TRPM7: variants seen among roughly 807,000 people sequenced by gnomAD.
TRPM7 encodes transient receptor potential cation channel subfamily M member 7.
In TRPM7, 134 loss-of-function variants were observed where a neutral mutation model predicts 229.7. The ratio of observed to expected loss-of-function variants is 0.58; its 90% CI spans 0.51 to 0.67. TRPM7 has a LOEUF of 0.67. Among genes scored for constraint, TRPM7 ranks in the 30% least tolerant of loss-of-function variants. The pLI is 0.00. For synonymous variants in TRPM7, 699 were observed against 715.2 expected (o/e 0.98, Z 0.36); for missense variants, 1,901 against 2,210.0 (o/e 0.86, Z 2.80).
chr15:50,596,112 C>T, intron 23 of TRPM7, 143 bp downstream of exon 23: 1 of 423,238 alleles, frequency 2.4e-6, no homozygotes, highest in South Asian at 1.0e-4. Flanking sequence ...AAAAGCATCT[C>T]CTATTTGTAA....
intron 10 of TRPM7, among the ~76,000 whole-genome samples, chr15:50,629,344 T>A (rs575531895): frequency 1.3e-5 from 2 of 149,298 alleles, no homozygotes; most frequent in Non-Finnish European, 3.0e-5. Flanking sequence ...GTGGTCTTGG[T>A]TCACTGCAAC....
At chr15:50,567,245 T>A (rs1278460369) in intron 38 of TRPM7, among the ~76,000 whole-genome samples, 1 of 152,146 alleles carries the variant, frequency 6.6e-6, no homozygotes, top group Non-Finnish European at 1.5e-5. Flanking sequence ...GTTACACATG[T>A]ATACATGTGC....
intron 12 of TRPM7, among the ~76,000 whole-genome samples, chr15:50,622,305 C>A (rs569154602): frequency 6.6e-6 from 1 of 152,080 alleles, no homozygotes; most frequent in Non-Finnish European, 1.5e-5. Flanking sequence ...AGTTTGAGAA[C>A]TACTGCTTTA....
At chr15:50,593,915 T>C (rs999267731) in intron 24 of TRPM7, among the ~76,000 whole-genome samples, 166 bp from the exon 25 acceptor site, 2 of 152,252 alleles carry the variant, frequency 1.3e-5, no homozygotes, top group African/African-American at 4.8e-5. Flanking sequence ...ATCTTTCTTT[T>C]TTGCTTCACC....
intron 3 of TRPM7, among the ~76,000 whole-genome samples, chr15:50,653,030 G>A (rs2061467799): frequency 6.6e-6 from 1 of 152,078 alleles, no homozygotes; most frequent in African/African-American, 2.4e-5. Flanking sequence ...ATGCACCTGT[G>A]GTCACAGTTA....
Position 50,657,954 on chromosome 15 carries a change from C to T in TRPM7, c.84-135G>A, listed in dbSNP as rs141163177. On this transcript the variant is annotated intron_variant, in intron 2 of 38. Transcript: ENST00000646667. ...ATTTTTCAGTAGATATTATAGTTCACGTATACCTTGATTTATAATTCAAAT... is the reference window on the plus strand; with the variant it reads ...ATTTTTCAGTAGATATTATAGTTCATGTATACCTTGATTTATAATTCAAAT... The T allele has an allele frequency of 1.5e-3, 843 of 565,616 alleles. 6 individuals are homozygous for T. The highest frequency in any genetic ancestry group is 0.014 in the African/African-American group (722 of 52,794). The allele number at this position is 565,616 out of a possible 1,614,324, so 35.0% of individuals were successfully genotyped here. A position where few individuals can be genotyped will look rare whatever the true frequency, so the allele number is the denominator to read the frequency against.
chr15:50,617,131 AAAAT>A (rs201318883), intron 13 of TRPM7, among the ~76,000 whole-genome samples: 45,319 of 136,984 alleles, frequency 0.33, 7,896 homozygotes, highest in Admixed American at 0.43. Context: ...CTCTACCAAA[AAAAT>A]AAATAAATAA....
At chr15:50,653,283 C>T (rs1167778828) in intron 3 of TRPM7, among the ~76,000 whole-genome samples, 1 of 152,178 alleles carries the variant, frequency 6.6e-6, no homozygotes, top group African/African-American at 2.4e-5. Flanking sequence ...AGACCCCGTT[C>T]TCCACAAAAA....
chr15:50,632,075 G>A (rs2060753399), intron 9 of TRPM7, among the ~76,000 whole-genome samples: 1 of 152,108 alleles, frequency 6.6e-6, no homozygotes, highest in African/African-American at 2.4e-5. Flanking sequence ...GGCCAAGGTG[G>A]GCGGATCACG....
intron 9 of TRPM7, among the ~76,000 whole-genome samples, chr15:50,631,814 C>A (rs913941979): frequency 1.3e-5 from 2 of 152,006 alleles, no homozygotes; most frequent in Non-Finnish European, 2.9e-5. Flanking sequence ...AATTTAGGGG[C>A]TGAGGCTATA....
At chr15:50,624,372 C>T in intron 11 of TRPM7, 72 bp from the exon 12 acceptor site, 3 of 1,288,928 alleles carry the variant, frequency 2.3e-6, no homozygotes, top group Non-Finnish European at 3.1e-6. Context: ...AATGTTAAGT[C>T]CTTAGGATTT....
chr15:50,645,339 A>G (rs2061231738), intron 4 of TRPM7, among the ~76,000 whole-genome samples: 1 of 151,316 alleles, frequency 6.6e-6, no homozygotes, highest in Non-Finnish European at 1.5e-5. Context: ...ACCACACCAG[A>G]CCAAGAATGC....
At chr15:50,676,555 T>C (rs948751702) in intron 1 of TRPM7, among the ~76,000 whole-genome samples, 3 of 151,846 alleles carry the variant, frequency 2.0e-5, no homozygotes, top group African/African-American at 7.3e-5. Flanking sequence ...CTCATCTCTA[T>C]CGTTTAAATT....
At chr15:50,638,674 T>TTGTATGTATGTATGTATGTA (rs11283855) in intron 6 of TRPM7, among the ~76,000 whole-genome samples, 23,368 of 150,556 alleles carry the variant, frequency 0.16, 2,291 homozygotes, top group East Asian at 0.32. Flanking sequence ...AATTCAGTAA[T>TTGTATGTATGTATGTATGTA]TGTATGTATG....
intron 11 of TRPM7, 34 bp downstream of exon 11, chr15:50,628,113 ATT>A: frequency 7.0e-7 from 1 of 1,422,246 alleles, no homozygotes; most frequent in Non-Finnish European, 9.8e-7. Context: ...ACTTAGTGTA[ATT>A]TAATTGTATT....
At chr15:50,614,070 G>T in intron 14 of TRPM7, 53 bp downstream of exon 14, 1 of 1,475,744 alleles carries the variant, frequency 6.8e-7, no homozygotes, top group Non-Finnish European at 9.2e-7. Context: ...CAATTAAAGT[G>T]CATGTGTTAA....
intron 33 of TRPM7, 82 bp from the exon 34 acceptor site, chr15:50,575,217 T>C (rs760379653): frequency 1.7e-4 from 212 of 1,245,354 alleles, no homozygotes; most frequent in Non-Finnish European, 2.2e-4. Context: ...AGCAGGCATC[T>C]TTGATTAAGG....
chr15:50,588,076 A>G (rs903216788), intron 27 of TRPM7: 4 of 228,704 alleles, frequency 1.7e-5, no homozygotes, highest in African/African-American at 2.3e-5. Flanking sequence ...AAAACACTGC[A>G]AATTATAGTC....
intron 36 of TRPM7, among the ~76,000 whole-genome samples, chr15:50,570,858 A>AAAAAAC (rs2053850485): frequency 6.6e-6 from 1 of 151,778 alleles, no homozygotes; most frequent in Non-Finnish European, 1.5e-5. Context: ...CGTCTCAAAA[A>AAAAAAC]AAAAACAAAA....
Sources: allele counts gnomAD v4.1 joint callset (sites outside exome capture counted in the v4.1 genomes callset), GRCh38; gene constraint gnomAD v4.1.1; transcripts MANE v1.5; gene names NCBI Gene and HGNC (gene_info 2026-07-23, HGNC 2026-07-21).